The following SAMSN1 variants were observed in gnomAD, a reference collection of about 807,000 sequenced individuals.
The protein encoded by SAMSN1 is SAM domain-containing protein SAMSN-1.
In SAMSN1, 31 loss-of-function variants were observed where a neutral mutation model predicts 42.0. That is an observed-to-expected ratio of 0.74 (90% confidence interval 0.55 to 1.00). The LOEUF (loss-of-function observed/expected upper bound fraction) is 1.00. Ranked by LOEUF, SAMSN1 falls within the 50% of genes least tolerant of loss-of-function variation. The pLI is 0.00. For missense variants in SAMSN1, 464 were observed against 439.4 expected (o/e 1.06, Z -0.50); for synonymous variants, 178 against 151.9 (o/e 1.17, Z -1.26).
At chr21:14,524,526 G>A (rs1436446872) in intron 1 of SAMSN1, among the ~76,000 whole-genome samples, 2 of 151,994 alleles carry the variant, frequency 1.3e-5, no homozygotes, top group Non-Finnish European at 2.9e-5. Context: ...TTGTAAAATG[G>A]CACAATACCT....
chr21:14,485,939 C>T lies in SAMSN1; in HGVS notation c.1095G>A (p.Lys365=). 6.2e-7 allele frequency: 1 copy of T among 1,613,588 alleles called. No homozygotes were observed. Among genetic ancestry groups the T allele is most frequent in the Non-Finnish European group, 8.5e-7 (1 of 1,179,648 alleles). Residue 365 remains lysine (K), a synonymous_variant, in exon 8 of 8, where the codon AAG becomes AAA. Coordinates refer to ENST00000400566, the MANE Select transcript of SAMSN1 (RefSeq NM_022136.5). Reference sequence around the variant, plus strand: ...AGTCACTTGGCTCTGTGATAATAATCTTATGTACCATGTCAGACAGATTTT... The same window carrying T: ...AGTCACTTGGCTCTGTGATAATAATTTTATGTACCATGTCAGACAGATTTT... The part of the protein sequence containing the change: ...ESENLSDMVH[K]IIITEPSD
chr21:14,652,674 A>C (rs953556759), intron 1 of SAMSN1, among the ~76,000 whole-genome samples: 12 of 152,080 alleles, frequency 7.9e-5, no homozygotes, highest in Non-Finnish European at 1.6e-4. Context: ...AACCAAAGCA[A>C]AACTGAACAA....
intron 3 of SAMSN1, among the ~76,000 whole-genome samples, 176 bp downstream of exon 3, chr21:14,516,716 T>A (rs990037848): frequency 6.6e-6 from 1 of 152,156 alleles, no homozygotes; most frequent in Admixed American, 6.5e-5. Context: ...TGAGTGTCAG[T>A]TTCTTCTGTT....
chr21:14,542,059 G>C (rs1413225340), intron 1 of SAMSN1, among the ~76,000 whole-genome samples: 1 of 151,966 alleles, frequency 6.6e-6, no homozygotes, highest in East Asian at 1.9e-4. Flanking sequence ...TTTTACAATT[G>C]TAGGTGTTGA....
intron 2 of SAMSN1, 51 bp from the exon 3 acceptor site, chr21:14,517,092 T>C (rs375140831): frequency 2.9e-5 from 43 of 1,502,118 alleles, no homozygotes; most frequent in Non-Finnish European, 3.6e-5. Flanking sequence ...ATAAAAAACA[T>C]TGATCTGAAA....
chr21:14,657,501 A>G (rs563797086), intron 1 of SAMSN1, among the ~76,000 whole-genome samples: 2 of 151,942 alleles, frequency 1.3e-5, no homozygotes, highest in East Asian at 3.9e-4. Flanking sequence ...ATGTCACGCC[A>G]CGCTGAACCA....
At chr21:14,502,522 TTTCATGGGTAA>T (rs1178453095) in intron 5 of SAMSN1, among the ~76,000 whole-genome samples, 3 of 152,164 alleles carry the variant, frequency 2.0e-5, no homozygotes, top group African/African-American at 7.2e-5. Flanking sequence ...GTATTTCAAT[TTTCATGGGTAA>T]CTGGGGAATT....
upstream of SAMSN1, among the ~76,000 whole-genome samples, chr21:14,549,266 G>A (rs1980523009): frequency 6.6e-6 from 1 of 152,058 alleles, no homozygotes; most frequent in Non-Finnish European, 1.5e-5. Flanking sequence ...AGACATTGAG[G>A]ATCTCCATCT....
intron 2 of SAMSN1, among the ~76,000 whole-genome samples, chr21:14,518,493 T>G (rs1311733344): frequency 1.3e-5 from 2 of 152,138 alleles, no homozygotes; most frequent in Non-Finnish European, 2.9e-5. Flanking sequence ...CTAAAATACC[T>G]TATATTTGCA....
intron 5 of SAMSN1, among the ~76,000 whole-genome samples, chr21:14,503,185 A>G (rs758126958): frequency 1.2e-4 from 19 of 152,156 alleles, no homozygotes; most frequent in Non-Finnish European, 2.6e-4. Context: ...TTTTGAGTTA[A>G]CTGAAAGGGA....
At chr21:14,655,167 A>G (rs2123401634) in intron 1 of SAMSN1, among the ~76,000 whole-genome samples, 1 of 152,050 alleles carries the variant, frequency 6.6e-6, no homozygotes, top group East Asian at 1.9e-4. Flanking sequence ...AGTCTTGAAA[A>G]TGAATAATCA....
intron 2 of SAMSN1, among the ~76,000 whole-genome samples, chr21:14,621,194 G>A (rs1044513405): frequency 1.3e-5 from 2 of 152,154 alleles, no homozygotes; most frequent in African/African-American, 2.4e-5. Context: ...CAAGATGGCC[G>A]AATAGGAACA....
rs1987735852 is a variant in SAMSN1 at position 14,512,589 on chromosome 21, C to G, written c.280-16G>C. ...CTTCCTCATCCTTCAGAAAACATAT[C>G]AGAGGTTAGGTACAGAGAGAAGATT... On this transcript the variant is annotated splice_polypyrimidine_tract_variant and intron_variant, in intron 3 of 7. Transcript: ENST00000400566. 1.2e-6 allele frequency: 2 copies of G among 1,613,022 alleles called. No homozygotes were observed. The highest frequency in any genetic ancestry group is 2.7e-5 in the African/African-American group (2 of 74,870).
At chr21:14,542,070 CAT>C (rs1333688550) in intron 1 of SAMSN1, among the ~76,000 whole-genome samples, 10 of 151,942 alleles carry the variant, frequency 6.6e-5, no homozygotes, top group African/African-American at 1.4e-4. Flanking sequence ...TAGGTGTTGA[CAT>C]GTGTGTGGAC....
chr21:14,612,660 A>AATTATT (rs1357483831), intron 4 of SAMSN1: 6 of 618,124 alleles, frequency 9.7e-6, no homozygotes, highest in Non-Finnish European at 1.9e-5. Flanking sequence ...TTAAATATAA[A>AATTATT]CGGAAAATAT....
chr21:14,646,370 T>C (rs1279784557), intron 1 of SAMSN1, among the ~76,000 whole-genome samples: 1 of 152,214 alleles, frequency 6.6e-6, no homozygotes, highest in Non-Finnish European at 1.5e-5. Context: ...ATGACATATT[T>C]AAAGTGCTTA....
intron 2 of SAMSN1, among the ~76,000 whole-genome samples, chr21:14,618,513 T>C (rs1170005149): frequency 6.6e-6 from 1 of 152,154 alleles, no homozygotes; most frequent in Non-Finnish European, 1.5e-5. Context: ...CTGTGGAAAA[T>C]GTAAATGACT....
Position 14,500,556 on chromosome 21 carries a change from C to T in SAMSN1, c.741G>A (p.Gln247=), listed in dbSNP as rs1242765942. ...RSNSKKSKTL[Q]EFLERIHLQE... is the part of the protein sequence containing the mutation. ...GCAGATGAATCCTCTCTAGGAACTC[C>T]TGCAGAGTCTTGGATTTTTTGCTGT... Residue 247 remains glutamine (Q), a synonymous_variant, in exon 6 of 8, where the codon CAG becomes CAA. Coordinates refer to ENST00000400566, the MANE Select transcript of SAMSN1 (RefSeq NM_022136.5). 6.2e-7 allele frequency: 1 copy of T among 1,614,144 alleles called. No individual in the cohort carries two copies. Among genetic ancestry groups the T allele is most frequent in the East Asian group, 2.2e-5 (1 of 44,874 alleles).
intron 5 of SAMSN1, among the ~76,000 whole-genome samples, chr21:14,502,746 T>G (rs188524284): frequency 6.6e-6 from 1 of 152,176 alleles, no homozygotes; most frequent in Non-Finnish European, 1.5e-5. Context: ...CATCAGATCA[T>G]TCCATATACA....
Sources: gnomAD v4.1 joint callset for allele counts (sites outside exome capture counted in the v4.1 genomes callset) on GRCh38, gnomAD v4.1.1 for gene constraint, MANE v1.5 for transcripts, NCBI Gene and HGNC (gene_info 2026-07-23, HGNC 2026-07-21) for gene names.